The following ZSCAN5A variants were observed in gnomAD, a reference collection of about 807,000 sequenced individuals.
ZSCAN5A encodes the protein zinc finger and SCAN domain containing 5A, also known as zinc finger and SCAN domain-containing protein 5A.
In ZSCAN5A, 12 loss-of-function variants were observed where a neutral mutation model predicts 23.7. The observed-to-expected ratio is 0.51, with a 90% confidence interval of 0.32 to 0.82. The LOEUF is 0.82. Among genes scored for constraint, ZSCAN5A ranks in the 40% least tolerant of loss-of-function variants. The pLI is 0.03. For synonymous variants in ZSCAN5A, 257 were observed against 239.9 expected (o/e 1.07, Z -0.66); for missense variants, 597 against 617.9 (o/e 0.97, Z 0.36).
At chr19:56,260,687 T>C (rs957119707) in intron 2 of ZSCAN5A, among the ~76,000 whole-genome samples, 2 of 152,162 alleles carry the variant, frequency 1.3e-5, no homozygotes, top group African/African-American at 4.8e-5. Context: ...GTAAACAAGT[T>C]AATATGTTTG....
chr19:56,351,349 A>G lies in ZSCAN5A; in HGVS notation c.-358+11886T>C, dbSNP rs536827945. Among the ~76,000 whole-genome samples, 103 of 152,162 alleles carry G rather than the reference A, an allele frequency of 6.8e-4. 1 individual carries two copies. The South Asian group carries it at 0.021, about 31-fold the overall frequency. ...GTGCAAAGTGTGAAGGCCACCTCCA[A>G]GTAACACCATGTGTTCAAACCATCA... On this transcript the variant is annotated intron_variant, in intron 2 of 6. Transcript: ENST00000587340. This position sits in a 1 kb window ranked among gnomAD's most constrained non-coding sequence, Gnocchi z 4.8.
chr19:56,332,873 G>C (rs1246146567), intron 2 of ZSCAN5A, among the ~76,000 whole-genome samples: 1 of 152,110 alleles, frequency 6.6e-6, no homozygotes, highest in Non-Finnish European at 1.5e-5. Flanking sequence ...TACCCTTATT[G>C]CTTGCTTGTC....
At chr19:56,261,170 T>C (rs2037100174) in intron 2 of ZSCAN5A, among the ~76,000 whole-genome samples, 1 of 150,364 alleles carries the variant, frequency 6.7e-6, no homozygotes, top group African/African-American at 2.4e-5. Context: ...ATTGTGCCAC[T>C]GCACTCCAGC....
At chr19:56,279,557 C>T (rs1006715841) in intron 2 of ZSCAN5A, among the ~76,000 whole-genome samples, 5 of 152,286 alleles carry the variant, frequency 3.3e-5, no homozygotes, top group South Asian at 2.1e-4. Context: ...TTTTCAAAAT[C>T]GTAAGTGTCC....
rs894395456 is a variant in ZSCAN5A, at chr19:56,358,519, C to T, written c.-358+4716G>A. ...TCACTGCCAATATTAGACAGATCAT[C>T]GAGAAAGAAAATTTAGAAAGATATT... On this transcript the variant is annotated intron_variant, in intron 2 of 6. Coordinates refer to the ZSCAN5A transcript ENST00000587340. 3.2e-5 allele frequency among the ~76,000 whole-genome samples: 4 copies of T among 124,606 alleles called. 1 individual carries two copies. The highest frequency in any genetic ancestry group is 7.0e-5 in the Non-Finnish European group (4 of 57,478). 81.7% of individuals were successfully genotyped at this position (124,606 alleles called of 152,430 possible). A position where few individuals can be genotyped will look rare whatever the true frequency, so the allele number is the denominator to read the frequency against.
At chr19:56,271,814 G>A (rs1433469364) in intron 2 of ZSCAN5A, among the ~76,000 whole-genome samples, 4 of 152,286 alleles carry the variant, frequency 2.6e-5, no homozygotes, top group Non-Finnish European at 5.9e-5. Flanking sequence ...ATAGACCAGT[G>A]GTCTCTACAC....
Position 56,222,241 on chromosome 19 carries a change from G to C in ZSCAN5A, c.825C>G (p.Cys275Trp). Residue 275 changes from cysteine to tryptophan, a missense_variant, in exon 6 of 6, where the codon TGC (cysteine) becomes TGG (tryptophan). By Grantham distance (215) the Cys-to-Trp change is radical (BLOSUM62 -2). Coordinates refer to ENST00000683990, the MANE Select transcript of ZSCAN5A (RefSeq NM_001322064.3). ...GAGTCGAAGCTTCTCTCTCCACAAC[G>C]CAGGCAGAAGGTGTGTCAGCATCCA... ...ENVDADTPSA[C>W]VVEREASTHS... 1 of 1,613,840 alleles carries C rather than the reference G, an allele frequency of 6.2e-7. No homozygotes were observed. Among genetic ancestry groups the C allele is most frequent in the African/African-American group, 1.3e-5 (1 of 74,996 alleles).
rs2033719304 is a variant in ZSCAN5A, at chr19:56,224,650, G to A, written c.384+13C>T. 2.6e-6 allele frequency: 4 copies of A among 1,557,016 alleles called. No homozygotes were observed. Among genetic ancestry groups the A allele is most frequent in the African/African-American group, 1.4e-5 (1 of 73,818 alleles). On this transcript the variant is annotated intron_variant, in intron 3 of 5. Transcript: ENST00000683990. ...CTCCCCTTCCCTGCACCAATCACGA[G>A]GGTCCCACTCACCCATTTCTTGGGT...
At chr19:56,225,551 T>TA (rs2033840773) in intron 2 of ZSCAN5A, 1 of 152,890 alleles carries the variant, frequency 6.5e-6, no homozygotes, top group Admixed American at 6.5e-5. Context: ...TGCAAAAGGA[T>TA]AGAGAAAAAG....
At chr19:56,359,106 A>G (rs189849584) in intron 2 of ZSCAN5A, among the ~76,000 whole-genome samples, 3 of 152,210 alleles carry the variant, frequency 2.0e-5, no homozygotes, top group Admixed American at 2.0e-4. Context: ...GAGACACAAA[A>G]CACCCTTCAA....
At chr19:56,353,622 A>T (rs1325046249) in intron 2 of ZSCAN5A, among the ~76,000 whole-genome samples, 1 of 148,774 alleles carries the variant, frequency 6.7e-6, no homozygotes, top group Admixed American at 6.6e-5. Context: ...ACTAAAAAAA[A>T]ATACAAAAAA....
chr19:56,348,431 C>T (rs2041648191), intron 2 of ZSCAN5A, among the ~76,000 whole-genome samples: 1 of 152,120 alleles, frequency 6.6e-6, no homozygotes, highest in African/African-American at 2.4e-5. Flanking sequence ...TGTTTACAGC[C>T]CACATAATGT....
chr19:56,321,694 C>T (rs190532620), intron 2 of ZSCAN5A: 2 of 1,388,254 alleles, frequency 1.4e-6, no homozygotes, highest in East Asian at 2.3e-5. Context: ...CCTTCTGGAG[C>T]ATTGGGAAAT....
chr19:56,258,720 G>A (rs1198502455), intron 2 of ZSCAN5A, among the ~76,000 whole-genome samples: 4 of 152,196 alleles, frequency 2.6e-5, no homozygotes, highest in Non-Finnish European at 5.9e-5. Context: ...AATGTGTCAG[G>A]TCCTCATCAA....
At chr19:56,293,332 C>A (rs916501746) in intron 2 of ZSCAN5A, among the ~76,000 whole-genome samples, 1 of 152,128 alleles carries the variant, frequency 6.6e-6, no homozygotes, top group East Asian at 1.9e-4. Context: ...CAGAGAATAA[C>A]TTAAGCCCAG....
At chr19:56,293,070 C>T (rs2039625436) in intron 2 of ZSCAN5A, among the ~76,000 whole-genome samples, 1 of 152,278 alleles carries the variant, frequency 6.6e-6, no homozygotes, top group South Asian at 2.1e-4. Context: ...CCATCCTGTC[C>T]ATGCCCCACA....
At chr19:56,311,897 A>G (rs1181699911) in intron 2 of ZSCAN5A, 4 of 152,100 alleles carry the variant, frequency 2.6e-5, no homozygotes, top group Non-Finnish European at 5.9e-5. Flanking sequence ...AAATAAGATA[A>G]TATTTCTAAA....
At chr19:56,291,469 T>C (rs1382362357) in intron 2 of ZSCAN5A, among the ~76,000 whole-genome samples, 1 of 152,186 alleles carries the variant, frequency 6.6e-6, no homozygotes, top group Non-Finnish European at 1.5e-5. Flanking sequence ...ATTTCTCTTT[T>C]TTGGGAAGAT....
intron 2 of ZSCAN5A, chr19:56,322,418 G>C: frequency 1.6e-6 from 1 of 609,962 alleles, no homozygotes; most frequent in Non-Finnish European, 3.0e-6. Flanking sequence ...TCCAGGAGGC[G>C]GGCGACCCCG....
Sources: gnomAD v4.1 joint callset for allele counts (sites outside exome capture counted in the v4.1 genomes callset) on GRCh38, gnomAD v4.1.1 for gene constraint, Gnocchi (gnomAD v3.1) non-coding constraint, MANE v1.5 for transcripts, NCBI Gene and HGNC (gene_info 2026-07-23, HGNC 2026-07-21) for gene names.